NUP133: variants seen among roughly 807,000 people sequenced by gnomAD.
NUP133 encodes the protein nucleoporin 133.
A neutral mutation model predicts 146.2 loss-of-function variants in NUP133; 66 were observed. The observed-to-expected ratio is 0.45, with a 90% CI of 0.37 to 0.55. The LOEUF is 0.55. NUP133 is among the 20% of genes least tolerant of loss of function. NUP133 has a pLI of 0.00. For synonymous variants in NUP133, 521 were observed against 498.8 expected, an observed-to-expected ratio of 1.04 and a Z score of -0.59; for missense variants, 1,277 against 1,374.8, an observed-to-expected ratio of 0.93 and a Z score of 1.12.
At chr1:229,503,746 C>T (rs910628915) in intron 2 of NUP133, among the ~76,000 whole-genome samples, 7 of 152,184 alleles carry the variant, frequency 4.6e-5, no homozygotes, top group African/African-American at 1.4e-4. Context: ...GATCCTCGAC[C>T]GGTGTGCCTT....
At chr1:229,444,850 A>G in intron 25 of NUP133, 64 bp downstream of exon 25, 1 of 1,206,210 alleles carries the variant, frequency 8.3e-7, no homozygotes, top group Non-Finnish European at 1.2e-6. Context: ...CCGTCTCAAA[A>G]AAAAACCCAA....
intron 20 of NUP133, among the ~76,000 whole-genome samples, chr1:229,460,210 T>C (rs1194337468): frequency 6.6e-6 from 1 of 152,216 alleles, no homozygotes; most frequent in Admixed American, 6.5e-5. Flanking sequence ...CATTCACTTA[T>C]TTTGAGACAA....
chr1:229,457,458 G>A (rs189833253), intron 21 of NUP133, among the ~76,000 whole-genome samples: 203 of 152,120 alleles, frequency 1.3e-3, no homozygotes, highest in African/African-American at 4.5e-3. Flanking sequence ...ATATAAAAAC[G>A]GTAGTTACTT....
intron 24 of NUP133, among the ~76,000 whole-genome samples, chr1:229,446,464 T>G (rs1262275015): frequency 6.6e-6 from 1 of 151,746 alleles, no homozygotes; most frequent in Non-Finnish European, 1.5e-5. Flanking sequence ...ACTTAATGCC[T>G]TAGAAAAGGG....
At chr1:229,478,732 G>A (rs151313496) in intron 12 of NUP133, among the ~76,000 whole-genome samples, 384 of 152,256 alleles carry the variant, frequency 2.5e-3, no homozygotes, top group African/African-American at 9.0e-3. Flanking sequence ...TACTGAGAAG[G>A]GATGAATCAC....
chr1:229,452,676 A>G, intron 21 of NUP133, 33 bp from the exon 22 acceptor site: 1 of 1,501,582 alleles, frequency 6.7e-7, no homozygotes, highest in South Asian at 1.2e-5. Flanking sequence ...GGGAAAGAGA[A>G]TATGATGAAA....
At chr1:229,505,930 C>T (rs1406362125) in intron 2 of NUP133, 110 bp downstream of exon 2, 3 of 657,624 alleles carry the variant, frequency 4.6e-6, no homozygotes, top group Non-Finnish European at 8.1e-6. Flanking sequence ...CCACCCATCT[C>T]TCACCATTTA....
intron 14 of NUP133, among the ~76,000 whole-genome samples, chr1:229,472,272 T>C (rs1268856219): frequency 6.7e-6 from 1 of 149,632 alleles, no homozygotes; most frequent in East Asian, 2.0e-4. Context: ...TGAGCAGAGA[T>C]TGCGCCACTG....
At chr1:229,484,311 C>A (rs556994799) in intron 11 of NUP133, among the ~76,000 whole-genome samples, 166 bp from the exon 12 acceptor site, 1 of 152,000 alleles carries the variant, frequency 6.6e-6, no homozygotes, top group Non-Finnish European at 1.5e-5. Flanking sequence ...TTGGGCCACA[C>A]TGGAAGAATC....
intron 15 of NUP133, 33 bp downstream of exon 15, chr1:229,470,547 C>G (rs1471928104): frequency 6.4e-7 from 1 of 1,554,338 alleles, no homozygotes; most frequent in Non-Finnish European, 8.9e-7. Context: ...TGGCACAGTT[C>G]TACAAAGCCA....
At chr1:229,501,874 A>T in intron 3 of NUP133, 125 bp downstream of exon 3, 1 of 660,064 alleles carries the variant, frequency 1.5e-6, no homozygotes, top group Non-Finnish European at 2.7e-6. Flanking sequence ...TGAAAATGCA[A>T]ACTCTTAATG....
rs773979511 is a variant in NUP133 at position 229,477,648 on chromosome 1, T to A, written c.1705A>T (p.Met569Leu). The A allele has an allele frequency of 6.2e-7, 1 of 1,613,442 alleles. No individual in the cohort carries two copies. Among genetic ancestry groups the A allele is most frequent in the Admixed American group, 1.7e-5 (1 of 59,992 alleles). Residue 569 changes from methionine to leucine, a missense_variant, in exon 13 of 26, where the codon ATG becomes TTG. Coordinates refer to ENST00000261396, the MANE Select transcript of NUP133 (RefSeq NM_018230.3). ...RAVTQISVDL[M>L]DDYPASDPRW... ...GGGTCAGATGCTGGGTAGTCATCCA[T>A]CAGGTCTACACTGATTTGGGTAACT...
rs1661348802 is a variant in NUP133 at position 229,486,428 on chromosome 1, TATAGACACATTTTCCCTTGAAGTA to T, written c.1419_1442del (p.Thr474_Ile481del). 1 of 1,610,800 alleles carries T rather than the reference TATAGACACATTTTCCCTTGAAGTA, an allele frequency of 6.2e-7. No homozygotes were observed. Among genetic ancestry groups the T allele is most frequent in the African/African-American group, 1.3e-5 (1 of 74,456 alleles). On this transcript the variant is annotated inframe_deletion, in exon 11 of 26. Coordinates refer to ENST00000261396, the MANE Select transcript of NUP133 (RefSeq NM_018230.3). ...AAGACCCTTCCAAGTCTTCTGCCAA[TATAGACACATTTTCCCTTGAAGTA>T]ATAGACACCAGTCCACTGTTTCTAG...
chr1:229,477,083 G>GT (rs750433272), intron 13 of NUP133, among the ~76,000 whole-genome samples: 9 of 152,052 alleles, frequency 5.9e-5, no homozygotes, highest in Non-Finnish European at 1.3e-4. Flanking sequence ...TTGCTCCAAT[G>GT]TTCCTTTAGT....
intron 8 of NUP133, among the ~76,000 whole-genome samples, chr1:229,495,229 A>G (rs1482648874): frequency 6.6e-6 from 1 of 152,120 alleles, no homozygotes; most frequent in Non-Finnish European, 1.5e-5. Flanking sequence ...TCTCTACAAA[A>G]AAATTTTAAA....
intron 14 of NUP133, among the ~76,000 whole-genome samples, chr1:229,472,310 C>T (rs1660974733): frequency 7.2e-6 from 1 of 139,240 alleles, no homozygotes; most frequent in African/African-American, 2.8e-5. Flanking sequence ...CAGAGCGAGA[C>T]TCCGTCTCAA....
chr1:229,468,195 T>A (rs775509240), intron 15 of NUP133, among the ~76,000 whole-genome samples: 49 of 152,208 alleles, frequency 3.2e-4, no homozygotes, highest in Admixed American at 1.1e-3. Context: ...TTACTTTCTA[T>A]CAGGGCTGCC....
chr1:229,498,393 C>T (rs2102783794), intron 5 of NUP133, 87 bp from the exon 6 acceptor site: 6 of 856,666 alleles, frequency 7.0e-6, no homozygotes, highest in South Asian at 2.3e-5. Context: ...GAAAAATCAT[C>T]GTAATTGAAA....
chr1:229,474,363 G>A (rs1025453688), intron 14 of NUP133, among the ~76,000 whole-genome samples: 1 of 152,024 alleles, frequency 6.6e-6, no homozygotes, highest in Admixed American at 6.6e-5. Context: ...GACCATATCG[G>A]GAGAAAATAT....
Sources: allele counts gnomAD v4.1 joint callset (sites outside exome capture counted in the v4.1 genomes callset), GRCh38; gene constraint gnomAD v4.1.1; transcripts MANE v1.5; gene names NCBI Gene and HGNC (gene_info 2026-07-23, HGNC 2026-07-21).